Variants in CHD7 observed in about 807,000 individuals in gnomAD.
The protein encoded by CHD7 is chromodomain helicase DNA binding protein 7, also known as ATP-dependent chromatin remodeler CHD7.
CHD7 carries 24 observed loss-of-function variants against 307.3 expected under a neutral mutation model. The ratio of observed to expected loss-of-function variants is 0.08; its 90% CI spans 0.06 to 0.11. The LOEUF (loss-of-function observed/expected upper bound fraction) is 0.11. CHD7 is among the 10% of genes least tolerant of loss of function. The probability of loss-of-function intolerance (pLI) is 1.00; values close to 1 mark genes in which losing one functional copy is unlikely to be tolerated. For synonymous variants in CHD7, 1,363 were observed against 1,349.9 expected (o/e 1.01, Z -0.21); for missense variants, 3,106 against 3,727.1 (o/e 0.83, Z 4.34).
chr8:60,862,481 G>T (rs1806044103), intron 36 of CHD7, 67 bp from the exon 37 acceptor site: 1 of 1,479,328 alleles, frequency 6.8e-7, no homozygotes, highest in Non-Finnish European at 9.2e-7. Flanking sequence ...GAAGGGGGAG[G>T]GAGTAGATTA....
intron 1 of CHD7, among the ~76,000 whole-genome samples, chr8:60,702,776 A>G (rs900287388): frequency 2.6e-5 from 4 of 152,238 alleles, no homozygotes; most frequent in Non-Finnish European, 4.4e-5. Flanking sequence ...GAAGCCATCT[A>G]TTTAGCACAT....
chr8:60,797,707 A>C (rs562554504), intron 4 of CHD7, among the ~76,000 whole-genome samples: 1 of 152,386 alleles, frequency 6.6e-6, no homozygotes, highest in African/African-American at 2.4e-5. Context: ...TTGACATATC[A>C]AATGAAATAC....
rs1427041878 is a variant in CHD7 at position 60,741,377 on chromosome 8, T to C, written c.-56T>C. 5 of 1,293,350 alleles carry C rather than the reference T, an allele frequency of 3.9e-6. No individual in the cohort carries two copies. The Admixed American group carries it at 1.1e-4, about 29-fold the overall frequency. The allele number at this position is 1,293,350 out of a possible 1,614,324, so 80.1% of individuals were successfully genotyped here. A position where few individuals can be genotyped will look rare whatever the true frequency, so the allele number is the denominator to read the frequency against. Reference sequence around the variant, plus strand: ...TTTGAGGGCAAACACCTCAGTGAAGTGAAGCACAGGCAAGCTCCTGAGCTG... The same window carrying C: ...TTTGAGGGCAAACACCTCAGTGAAGCGAAGCACAGGCAAGCTCCTGAGCTG... On this transcript the variant is annotated 5_prime_UTR_variant, in exon 2 of 38. Transcript: ENST00000423902.
At position 60,852,905 on chromosome 8, in the gene CHD7, G is replaced by T. The variant is rs971901802; in HGVS notation, c.6180G>T (p.Leu2060=). 1.2e-6 allele frequency: 2 copies of T among 1,613,894 alleles called. No individual in the cohort carries two copies. Among genetic ancestry groups the T allele is most frequent in the African/African-American group, 2.7e-5 (2 of 74,934 alleles). ...CTCGAACTCTGTACCGCATTGAGCT[G>T]CTACGGAAGATCCGCGAGCAGGTTC... is the stretch of plus-strand genomic sequence containing the variant. ...RASRTLYRIE[L]LRKIREQVLH... Residue 2060 remains leucine, a synonymous_variant, in exon 31 of 38, where the codon CTG becomes CTT. Coordinates refer to ENST00000423902, the MANE Select transcript of CHD7 (RefSeq NM_017780.4).
At position 60,781,252 on chromosome 8, in the gene CHD7, G is replaced by A; in HGVS notation, c.1918G>A (p.Glu640Lys). The change falls in exon 3 of 38, where the codon GAA becomes AAA. Residue 640 changes from glutamate (E) to lysine (K), a missense_variant. Physicochemically the swap from Glu to Lys is moderately conservative, Grantham distance 56 (BLOSUM62 1). Coordinates refer to ENST00000423902, the MANE Select transcript of CHD7 (RefSeq NM_017780.4). Reference sequence around the variant, plus strand: ...GAACTCACTGGATGGGTCCCAAGAAGAAAAAAAGAAAAAGAAAAGGTCAAA... The same window carrying A: ...GAACTCACTGGATGGGTCCCAAGAAAAAAAAAAGAAAAAGAAAAGGTCAAA... Reference protein sequence around the residue: ...NRNSLDGSQEEKKKKKRSKAK... With the variant: ...NRNSLDGSQEKKKKKKRSKAK... 1 of 1,567,088 alleles carries A rather than the reference G, an allele frequency of 6.4e-7. No individual in the cohort carries two copies.
chr8:60,845,299 C>T lies in CHD7; in HGVS notation c.5100C>T (p.Ala1700=), dbSNP rs1469095218. ...GAAGGAAGGGAAAGAAGGTGAAAGC[C>T]CAGAGCACACAGCCGGTGGTGCAGG... is the stretch of plus-strand genomic sequence containing the variant. The part of the protein sequence containing the change: ...PRGRKGKKVK[A]QSTQPVVQDA... The change falls in exon 23 of 38, where the codon GCC becomes GCT. Residue 1700 remains alanine (A), a synonymous_variant. Coordinates refer to ENST00000423902, the MANE Select transcript of CHD7 (RefSeq NM_017780.4). 3.7e-6 allele frequency: 6 copies of T among 1,613,784 alleles called. No homozygotes were observed. Among genetic ancestry groups the T allele is most frequent in the African/African-American group, 1.3e-5 (1 of 74,900 alleles).
At chr8:60,717,622 A>T (rs1807674766) in intron 1 of CHD7, among the ~76,000 whole-genome samples, 1 of 152,162 alleles carries the variant, frequency 6.6e-6, no homozygotes, top group African/African-American at 2.4e-5. Context: ...AAGTTGATTG[A>T]TTGAAGGTTC....
chr8:60,728,556 C>T (rs548753774), intron 1 of CHD7, among the ~76,000 whole-genome samples: 22 of 152,212 alleles, frequency 1.4e-4, no homozygotes, highest in Non-Finnish European at 2.2e-4. Flanking sequence ...GAGACAGTCT[C>T]GCTCTGTCGC....
rs886039688 is a variant in CHD7, at chr8:60,853,338, C to A, written c.6613C>A (p.Gln2205Lys). ...ETDGSGKESK[Q>K]ECEAEASSVK... ...CGATGGCAGCGGGAAGGAGAGCAAGCAGGAATGTGAGGCAGAGGCCAGCTC... is the reference window on the plus strand; with the variant it reads ...CGATGGCAGCGGGAAGGAGAGCAAGAAGGAATGTGAGGCAGAGGCCAGCTC... The change falls in exon 31 of 38, where the codon CAG (glutamine) becomes AAG (lysine). Residue 2205 changes from glutamine to lysine, a missense_variant. Physicochemically the swap from Gln to Lys is moderately conservative, Grantham distance 53. Coordinates refer to ENST00000423902, the MANE Select transcript of CHD7 (RefSeq NM_017780.4). 6.3e-7 allele frequency: 1 copy of A among 1,591,958 alleles called. No individual in the cohort carries two copies. The highest frequency in any genetic ancestry group is 1.1e-5 in the South Asian group (1 of 87,858).
chr8:60,691,372 G>A (rs556242259), intron 1 of CHD7, among the ~76,000 whole-genome samples: 1 of 152,164 alleles, frequency 6.6e-6, no homozygotes, highest in Admixed American at 6.5e-5. Flanking sequence ...AATACTAGGC[G>A]AGAGGTAAGA....
intron 1 of CHD7, among the ~76,000 whole-genome samples, chr8:60,697,258 A>G (rs551319574): frequency 2.2e-4 from 34 of 152,310 alleles, no homozygotes; most frequent in African/African-American, 6.5e-4. Context: ...TTGGAATTGT[A>G]TCTTTCTCAT....
intron 2 of CHD7, among the ~76,000 whole-genome samples, chr8:60,767,932 C>G (rs1037879251): frequency 6.6e-6 from 1 of 152,184 alleles, no homozygotes; most frequent in Admixed American, 6.5e-5. Flanking sequence ...GAGAAAACCT[C>G]ACAGATGTTA....
intron 1 of CHD7, among the ~76,000 whole-genome samples, chr8:60,721,692 C>T (rs1690698505): frequency 6.6e-6 from 1 of 152,214 alleles, no homozygotes; most frequent in Non-Finnish European, 1.5e-5. Context: ...GGTGCTGATG[C>T]TGCCGATGCT....
In CHD7 at chr8:60,742,595, G is replaced by A. The variant is rs757050240; in HGVS notation, c.1163G>A (p.Gly388Glu). 1.9e-6 allele frequency: 3 copies of A among 1,613,740 alleles called. No homozygotes were observed. Among genetic ancestry groups the A allele is most frequent in the Admixed American group, 3.3e-5 (2 of 60,010 alleles). ...TQTMHPSQPQ[G>E]TYASPPPMSP... ...ACTATGCATCCTTCACAGCCTCAGG[G>A]AACTTATGCCTCTCCACCTCCCATG... Residue 388 changes from glycine to glutamate, a missense_variant, in exon 2 of 38, where the codon GGA (glycine) becomes GAA (glutamate). This residue lies in a region of CHD7 where 998 missense variants were observed against 1,004.5 expected (regional missense o/e 0.99). Transcript: ENST00000423902.
intron 3 of CHD7, among the ~76,000 whole-genome samples, chr8:60,782,080 AGAG>A (rs1296268797): frequency 6.6e-6 from 1 of 152,180 alleles, no homozygotes; most frequent in Non-Finnish European, 1.5e-5. Flanking sequence ...AGAAAAACTG[AGAG>A]GAGAAGACAT....
chr8:60,759,493 C>T (rs999310893), intron 2 of CHD7, among the ~76,000 whole-genome samples: 3 of 150,540 alleles, frequency 2.0e-5, no homozygotes, highest in Non-Finnish European at 3.0e-5. Flanking sequence ...CTCTCCCTCT[C>T]CCTCTCCCTC....
rs1563676883 is a variant in CHD7 at position 60,867,565 on chromosome 8, C to T, written c.*1632C>T. 6.6e-6 allele frequency: 1 copy of T among 152,230 alleles called. No individual in the cohort carries two copies. Among genetic ancestry groups the T allele is most frequent in the Non-Finnish European group, 1.5e-5 (1 of 68,056 alleles). The allele number at this position is 152,230 out of a possible 1,614,324, so 9.4% of individuals were successfully genotyped here. On this transcript the variant is annotated 3_prime_UTR_variant, in exon 38 of 38. Coordinates refer to ENST00000423902, the MANE Select transcript of CHD7 (RefSeq NM_017780.4). ...ACCAACACAAAGCCATATTTCCATC[C>T]AGTTAAAAAGCAGGGGAAGGGATGT...
intron 19 of CHD7, among the ~76,000 whole-genome samples, chr8:60,838,929 T>C (rs764138196): frequency 6.6e-6 from 1 of 152,252 alleles, no homozygotes; most frequent in Non-Finnish European, 1.5e-5. Context: ...TTTATTGAAA[T>C]GTAATTAACT....
chr8:60,725,435 T>C (rs1808117737), intron 1 of CHD7, among the ~76,000 whole-genome samples: 1 of 152,194 alleles, frequency 6.6e-6, no homozygotes, highest in Admixed American at 6.5e-5. Context: ...TTTATATATA[T>C]TTTATATTGC....
Sources: allele counts gnomAD v4.1 joint callset (sites outside exome capture counted in the v4.1 genomes callset), GRCh38; gene constraint gnomAD v4.1.1; regional missense constraint gnomAD v4.1.1; transcripts MANE v1.5; gene names NCBI Gene and HGNC (gene_info 2026-07-23, HGNC 2026-07-21).